VTI1A: variants seen among roughly 807,000 people sequenced by gnomAD.
VTI1A encodes the protein vesicle transport through interaction with t-SNAREs 1A, also known as vesicle transport through interaction with t-SNAREs homolog 1A.
In VTI1A, 22 loss-of-function variants were observed where a neutral mutation model predicts 34.9. The observed-to-expected ratio is 0.63, with a 90% CI of 0.45 to 0.90. The LOEUF (loss-of-function observed/expected upper bound fraction) is 0.90, where lower values mean the gene tolerates loss of function less well. Ranked by LOEUF, VTI1A falls within the 40% of genes least tolerant of loss-of-function variation. The probability of loss-of-function intolerance (pLI) is 0.00; values close to 1 mark genes in which losing one functional copy is unlikely to be tolerated. For synonymous variants in VTI1A, 87 were observed against 97.3 expected (o/e 0.89, Z 0.62); for missense variants, 268 against 275.6 (o/e 0.97, Z 0.20).
chr10:112,672,311 T>TAA (rs1847880632), intron 7 of VTI1A, among the ~76,000 whole-genome samples: 1 of 152,208 alleles, frequency 6.6e-6, no homozygotes, highest in Non-Finnish European at 1.5e-5. Context: ...GAAATTGCTC[T>TAA]TCATGTAAGC....
At position 112,473,234 on chromosome 10, in the gene VTI1A, G is replaced by A. The variant is rs573915607; in HGVS notation, c.264+8577G>A. ...AGAGATTCTCCTGCCTCAGCCTCCC[G>A]AGTAGCTAGGACTACCGGAGCGCGC... On this transcript the variant is annotated intron_variant, in intron 3 of 7. Transcript: ENST00000393077. 1.7e-3 allele frequency among the ~76,000 whole-genome samples: 264 copies of A among 151,092 alleles called. 1 individual carries two copies. The highest frequency in any genetic ancestry group is 6.2e-3 in the African/African-American group (255 of 41,200).
At chr10:112,552,608 TAAAA>T (rs113532693) in intron 5 of VTI1A, among the ~76,000 whole-genome samples, 1 of 142,228 alleles carries the variant, frequency 7.0e-6, no homozygotes, top group Non-Finnish European at 1.6e-5. Flanking sequence ...AGAGACCTTT[TAAAA>T]AAAAAAAAAC....
chr10:112,501,857 T>C (rs1029735159), intron 3 of VTI1A, among the ~76,000 whole-genome samples: 6 of 152,094 alleles, frequency 3.9e-5, no homozygotes, highest in African/African-American at 1.4e-4. Flanking sequence ...AGTTTGTATG[T>C]GGGAACTTTT....
At chr10:112,752,471 T>C in intron 7 of VTI1A, 1 of 985,466 alleles carries the variant, frequency 1.0e-6, no homozygotes, top group Non-Finnish European at 1.2e-6. Context: ...TTTCACCCAC[T>C]GCATTTCTGT....
At chr10:112,574,064 T>G (rs1852241234) in intron 5 of VTI1A, among the ~76,000 whole-genome samples, 1 of 152,218 alleles carries the variant, frequency 6.6e-6, no homozygotes, top group Non-Finnish European at 1.5e-5. Flanking sequence ...TCCATTTTTT[T>G]CTAAATTACT....
intron 5 of VTI1A, among the ~76,000 whole-genome samples, chr10:112,566,396 C>A (rs552736048): frequency 2.0e-5 from 3 of 152,166 alleles, no homozygotes; most frequent in African/African-American, 7.2e-5. Flanking sequence ...AACTTTTATA[C>A]GTTGGAAAAT....
At chr10:112,830,822 C>CATATATAT in the VTI1A span, among the ~76,000 whole-genome samples, 13 of 54,728 alleles carry the variant, frequency 2.4e-4, no homozygotes, top group African/African-American at 3.7e-4. Flanking sequence ...CTAAAACCCT[C>CATATATAT]ATATATATAT....
chr10:112,468,922 T>C (rs1847990551), intron 3 of VTI1A, among the ~76,000 whole-genome samples: 1 of 152,202 alleles, frequency 6.6e-6, no homozygotes, highest in Non-Finnish European at 1.5e-5. Flanking sequence ...CACCTAAATA[T>C]CTCTACTACT....
chr10:112,839,523 T>G, the VTI1A span, among the ~76,000 whole-genome samples: 2 of 125,256 alleles, frequency 1.6e-5, no homozygotes, highest in Admixed American at 1.7e-4. Flanking sequence ...TAAGGACTGC[T>G]GGCTGGTTGG....
rs201255213 is a variant in VTI1A, at chr10:112,668,492, T to C, written c.498+204T>C. ...GTCCCCATTCCAGAATGTTCCCAGG[T>C]AGGTATTTTATTTACTTCTTATAGA... On this transcript the variant is annotated intron_variant, in intron 6 of 7. Transcript: ENST00000393077. 5.9e-5 allele frequency among the ~76,000 whole-genome samples: 9 copies of C among 152,202 alleles called. No individual in the cohort carries two copies. In the East Asian group the frequency reaches 1.7e-3, roughly 29 times the overall value.
At chr10:112,648,458 G>A (rs1211718114) in intron 5 of VTI1A, among the ~76,000 whole-genome samples, 1 of 152,182 alleles carries the variant, frequency 6.6e-6, no homozygotes, top group Non-Finnish European at 1.5e-5. Flanking sequence ...CAAGCTCAGT[G>A]CACCAGACTC....
intron 3 of VTI1A, among the ~76,000 whole-genome samples, chr10:112,514,716 T>C (rs1849717065): frequency 6.6e-6 from 1 of 151,978 alleles, no homozygotes; most frequent in African/African-American, 2.4e-5. Flanking sequence ...AGTAATATAA[T>C]TTTATAACTT....
intron 7 of VTI1A, among the ~76,000 whole-genome samples, chr10:112,768,641 A>G (rs931700336): frequency 6.6e-6 from 1 of 152,214 alleles, no homozygotes; most frequent in Non-Finnish European, 1.5e-5. Flanking sequence ...GAGGCATGAC[A>G]ACTAGAAAAC....
intron 7 of VTI1A, among the ~76,000 whole-genome samples, chr10:112,703,305 C>G (rs534807642): frequency 6.6e-6 from 1 of 152,162 alleles, no homozygotes; most frequent in Non-Finnish European, 1.5e-5. Flanking sequence ...CAGTGGCTCA[C>G]GCCTGTAACC....
chr10:112,593,794 C>T (rs921115210), intron 5 of VTI1A, among the ~76,000 whole-genome samples: 21 of 151,368 alleles, frequency 1.4e-4, no homozygotes, highest in African/African-American at 3.9e-4. Context: ...TGGAGTGCAG[C>T]GCCACAATCT....
At chr10:112,634,712 A>T (rs942689771) in intron 5 of VTI1A, among the ~76,000 whole-genome samples, 3 of 151,744 alleles carry the variant, frequency 2.0e-5, no homozygotes, top group Admixed American at 2.0e-4. Context: ...AAAATCTTCT[A>T]CGTAATTATC....
intron 7 of VTI1A, among the ~76,000 whole-genome samples, chr10:112,794,709 A>G (rs1257412564): frequency 6.6e-6 from 1 of 152,198 alleles, no homozygotes. Context: ...TACTATACGT[A>G]CTATTTGTAA....
intron 7 of VTI1A, among the ~76,000 whole-genome samples, chr10:112,790,164 G>A (rs1454629094): frequency 1.3e-5 from 2 of 151,966 alleles, no homozygotes; most frequent in Admixed American, 6.6e-5. Flanking sequence ...GTTTCCTAGG[G>A]GTTGCCCCTT....
chr10:112,544,492 C>G (rs552641332), intron 5 of VTI1A, among the ~76,000 whole-genome samples: 29 of 152,160 alleles, frequency 1.9e-4, no homozygotes, highest in African/African-American at 7.0e-4. Context: ...TGATCCACCA[C>G]GCCCGGCTGA....
Sources: allele counts gnomAD v4.1 joint callset (sites outside exome capture counted in the v4.1 genomes callset), GRCh38; gene constraint gnomAD v4.1.1; transcripts MANE v1.5; gene names NCBI Gene and HGNC (gene_info 2026-07-23, HGNC 2026-07-21).